BIN3: variants seen among roughly 807,000 people sequenced by gnomAD.
BIN3 encodes the protein bridging integrator 3.
A neutral mutation model predicts 38.2 loss-of-function variants in BIN3; 41 were observed. That is an observed-to-expected ratio of 1.07 (90% CI 0.84 to 1.39). BIN3 has a LOEUF of 1.39. Ranked by LOEUF, BIN3 falls within the 40% of genes most tolerant of loss-of-function variation. The pLI is 0.00. For synonymous variants in BIN3, 145 were observed against 122.6 expected (o/e 1.18, Z -1.21); for missense variants, 361 against 324.3 (o/e 1.11, Z -0.87).
At chr8:22,656,852 T>A (rs147846089) in intron 1 of BIN3, among the ~76,000 whole-genome samples, 1 of 152,354 alleles carries the variant, frequency 6.6e-6, no homozygotes, top group Non-Finnish European at 1.5e-5. Flanking sequence ...TTTCCTAATA[T>A]TGAGCCATCC....
At chr8:22,638,897 G>GT (rs1802453042) in intron 2 of BIN3, among the ~76,000 whole-genome samples, 1 of 151,964 alleles carries the variant, frequency 6.6e-6, no homozygotes, top group Non-Finnish European at 1.5e-5. Flanking sequence ...CTTACCTTAG[G>GT]ATCCAGCAAA....
At chr8:22,654,788 A>C (rs1277108564) in intron 1 of BIN3, among the ~76,000 whole-genome samples, 1 of 152,238 alleles carries the variant, frequency 6.6e-6, no homozygotes, top group African/African-American at 2.4e-5. Flanking sequence ...TGCTGTGACA[A>C]ACATTTATGT....
intron 1 of BIN3, among the ~76,000 whole-genome samples, chr8:22,653,995 CAT>C (rs1802981641): frequency 6.6e-6 from 1 of 152,160 alleles, no homozygotes; most frequent in South Asian, 2.1e-4. Context: ...CTAAACTATT[CAT>C]AGTTTTCAAC....
At chr8:22,647,985 AT>A (rs1437918550) in intron 1 of BIN3, among the ~76,000 whole-genome samples, 1 of 146,516 alleles carries the variant, frequency 6.8e-6, no homozygotes, top group Non-Finnish European at 1.5e-5. Flanking sequence ...AAAAAAAAAA[AT>A]TAGCTGGGCA....
Position 22,646,676 on chromosome 8 carries a change from A to C in BIN3, c.9-1873T>G, listed in dbSNP as rs184219170. Among the ~76,000 whole-genome samples, 705 of 152,336 alleles carry C rather than the reference A, an allele frequency of 4.6e-3. 7 individuals carry two copies. Among genetic ancestry groups the C allele is most frequent in the African/African-American group, 0.016 (673 of 41,572 alleles). On this transcript the variant is annotated intron_variant, in intron 1 of 8. Transcript: ENST00000276416. ...AATAAATTCTGACTACATAATAACCAGGGAGGAAAGGTAAGGTCTGGAAAT... is the reference window on the plus strand; with the variant it reads ...AATAAATTCTGACTACATAATAACCCGGGAGGAAAGGTAAGGTCTGGAAAT...
At chr8:22,660,238 C>T (rs1803190265) in intron 1 of BIN3, among the ~76,000 whole-genome samples, 1 of 152,218 alleles carries the variant, frequency 6.6e-6, no homozygotes, top group Admixed American at 6.5e-5. Context: ...ATCTGACAGA[C>T]AAGTAATCAC....
rs918388829 is a variant in BIN3 at position 22,620,470 on chromosome 8, A to G, written c.*952T>C. ...TTTAAATAAACCAAAGTCAAAAACA[A>G]ACTGAGAGTGTGTCCTCCACAGCTC... On this transcript the variant is annotated 3_prime_UTR_variant, in exon 9 of 9. Coordinates refer to ENST00000276416, the MANE Select transcript of BIN3 (RefSeq NM_018688.6). 5.3e-5 allele frequency: 8 copies of G among 151,252 alleles called. No homozygotes were observed. The highest frequency in any genetic ancestry group is 2.0e-4 in the African/African-American group (8 of 40,904). The allele number at this position is 151,252 out of a possible 1,614,324, so 9.4% of individuals were successfully genotyped here. A position where few individuals can be genotyped will look rare whatever the true frequency, so the allele number is the denominator to read the frequency against.
chr8:22,629,832 C>T lies in BIN3; in HGVS notation c.338+132G>A, dbSNP rs1802127409. On this transcript the variant is annotated intron_variant, in intron 6 of 8. Coordinates refer to ENST00000276416, the MANE Select transcript of BIN3 (RefSeq NM_018688.6). ...AGGCCACAGGTCACAGAGCTGACGTCCCCACTGAGTTTCCCGTCAGGCCCC... is the reference window on the plus strand; with the variant it reads ...AGGCCACAGGTCACAGAGCTGACGTTCCCACTGAGTTTCCCGTCAGGCCCC... 33 of 879,748 alleles carry T rather than the reference C, an allele frequency of 3.8e-5. No individual in the cohort carries two copies. The South Asian group carries it at 3.9e-4, about 10-fold the overall frequency. The allele number at this position is 879,748 out of a possible 1,614,324, so 54.5% of individuals were successfully genotyped here.
intron 4 of BIN3, among the ~76,000 whole-genome samples, chr8:22,631,325 G>A (rs373798584): frequency 2.4e-4 from 37 of 152,188 alleles, no homozygotes; most frequent in African/African-American, 6.7e-4. Context: ...CCCTCCTCCC[G>A]GGTCTGTTCC....
intron 1 of BIN3, among the ~76,000 whole-genome samples, chr8:22,659,768 G>A (rs529373445): frequency 2.0e-5 from 3 of 152,318 alleles, no homozygotes; most frequent in South Asian, 2.1e-4. Context: ...CTGTGTCTCC[G>A]TCTCTTTATC....
chr8:22,624,291 C>G lies in BIN3; in HGVS notation c.411G>C (p.Arg137Ser). 1 of 1,613,994 alleles carries G rather than the reference C, an allele frequency of 6.2e-7. No individual in the cohort carries two copies. The highest frequency in any genetic ancestry group is 8.5e-7 in the Non-Finnish European group (1 of 1,179,892). ...RREQALQDYR[R>S]LQAKVEKYEE... ...CATACTTCTCCACCTTGGCCTGCAG[C>G]CTCCTGTAGTCCTGCAAGGCCTGTT... Residue 137 changes from arginine to serine, a missense_variant, in exon 7 of 9, where the codon AGG (arginine) becomes AGC (serine). Coordinates refer to ENST00000276416, the MANE Select transcript of BIN3 (RefSeq NM_018688.6).
intron 1 of BIN3, among the ~76,000 whole-genome samples, chr8:22,649,851 A>C (rs972385563): frequency 7.4e-4 from 25 of 33,808 alleles, no homozygotes; most frequent in African/African-American, 1.5e-3. Flanking sequence ...ACACACACAC[A>C]CACACACCCC....
intron 1 of BIN3, among the ~76,000 whole-genome samples, chr8:22,667,716 G>C (rs549631565): frequency 1.4e-4 from 21 of 152,320 alleles, no homozygotes; most frequent in Middle Eastern, 3.4e-3. Flanking sequence ...GGGAAAAGCA[G>C]AAGCTCCTGC....
chr8:22,661,462 A>C (rs1182462388), intron 1 of BIN3, among the ~76,000 whole-genome samples: 1 of 140,916 alleles, frequency 7.1e-6, no homozygotes, highest in Non-Finnish European at 1.5e-5. Context: ...GGCTGAAGTG[A>C]TTCTCCTGCC....
At chr8:22,662,659 G>A (rs552411171) in intron 1 of BIN3, among the ~76,000 whole-genome samples, 1 of 152,282 alleles carries the variant, frequency 6.6e-6, no homozygotes, top group African/African-American at 2.4e-5. Flanking sequence ...GATACTCTTA[G>A]ACAGATGGTT....
At chr8:22,628,761 C>T (rs1802086401) in intron 6 of BIN3, among the ~76,000 whole-genome samples, 1 of 152,214 alleles carries the variant, frequency 6.6e-6, no homozygotes, top group Non-Finnish European at 1.5e-5. Flanking sequence ...GTGGCCCTGG[C>T]ACAGAAAAGC....
At chr8:22,636,878 T>C (rs919362048) in intron 3 of BIN3, 44 bp downstream of exon 3, 17 of 1,591,696 alleles carry the variant, frequency 1.1e-5, no homozygotes, top group Non-Finnish European at 1.5e-5. Context: ...GGGGCCCTTG[T>C]CCCTCCCTGC....
chr8:22,623,093 G>C (rs1016086114), intron 8 of BIN3, among the ~76,000 whole-genome samples: 1 of 152,356 alleles, frequency 6.6e-6, no homozygotes, highest in South Asian at 2.1e-4. Flanking sequence ...CGGGCCAGGA[G>C]GGGCAGAGCC....
intron 6 of BIN3, chr8:22,625,161 G>A: frequency 1.6e-6 from 1 of 611,980 alleles, no homozygotes; most frequent in South Asian, 1.9e-5. Context: ...GAGAGCAGCA[G>A]TGGACGATGC....
Sources: allele counts gnomAD v4.1 joint callset (sites outside exome capture counted in the v4.1 genomes callset), GRCh38; gene constraint gnomAD v4.1.1; transcripts MANE v1.5; gene names NCBI Gene and HGNC (gene_info 2026-07-23, HGNC 2026-07-21).